DDX42: variants seen among roughly 807,000 people sequenced by gnomAD.
DDX42 encodes the protein DEAD-box helicase 42.
DDX42 carries 22 observed loss-of-function variants against 101.5 expected under a neutral mutation model. That is an observed-to-expected ratio of 0.22 (90% confidence interval 0.15 to 0.31). DDX42 has a LOEUF of 0.31. DDX42 is among the 10% of genes least tolerant of loss of function. DDX42 has a pLI of 1.00. For missense variants in DDX42, 849 were observed against 1,199.9 expected, an observed-to-expected ratio of 0.71 and a Z score of 4.32; for synonymous variants, 402 against 401.2, an observed-to-expected ratio of 1.00 and a Z score of -0.02.
intron 1 of DDX42, among the ~76,000 whole-genome samples, chr17:63,782,219 A>G (rs988993288): frequency 6.6e-6 from 1 of 152,186 alleles, no homozygotes; most frequent in Non-Finnish European, 1.5e-5. Context: ...CGGAGGTTGC[A>G]GTGAGCCAAG....
At chr17:63,803,171 C>T (rs567316337) in intron 6 of DDX42, among the ~76,000 whole-genome samples, 239 of 152,258 alleles carry the variant, frequency 1.6e-3, no homozygotes, top group African/African-American at 5.4e-3. Flanking sequence ...ACTCAAAATA[C>T]ATGATAAATA....
At chr17:63,794,096 T>C (rs996634976) in intron 3 of DDX42, among the ~76,000 whole-genome samples, 1 of 152,264 alleles carries the variant, frequency 6.6e-6, no homozygotes, top group Admixed American at 6.5e-5. Flanking sequence ...ATTTGTTCTT[T>C]CCTTTCTGTT....
At chr17:63,787,343 CA>C in intron 2 of DDX42, 73 bp downstream of exon 2, 1 of 1,455,356 alleles carries the variant, frequency 6.9e-7, no homozygotes, top group Non-Finnish European at 9.4e-7. Context: ...GAAATTGAGG[CA>C]AAGAAACTTT....
At chr17:63,800,930 TTTC>T (rs1206403744) in intron 6 of DDX42, among the ~76,000 whole-genome samples, 4 of 141,448 alleles carry the variant, frequency 2.8e-5, no homozygotes, top group Admixed American at 2.1e-4. Context: ...CCTTCCTTTC[TTTC>T]TTTTCTTTCC....
chr17:63,802,910 CA>C (rs60325980), intron 6 of DDX42, among the ~76,000 whole-genome samples: 51 of 142,542 alleles, frequency 3.6e-4, no homozygotes, highest in East Asian at 6.2e-4. Flanking sequence ...CACTCCATCT[CA>C]AAAAAAAAAA....
At chr17:63,799,855 T>C (rs1369215674) in intron 5 of DDX42, among the ~76,000 whole-genome samples, 5 of 152,312 alleles carry the variant, frequency 3.3e-5, no homozygotes, top group Admixed American at 6.5e-5. Flanking sequence ...CCAAAGCAAA[T>C]ACGAGCTTTA....
chr17:63,774,753 A>T (rs1288053737), intron 1 of DDX42: 1 of 152,236 alleles, frequency 6.6e-6, no homozygotes, highest in Non-Finnish European at 1.5e-5. Context: ...AGGCCTCCGA[A>T]TTTGGGGTCC....
chr17:63,813,360 C>T lies in DDX42; in HGVS notation c.1808C>T (p.Thr603Ile). ...GEKGVAYTLLTPKDSNFAGDL... is the reference protein window; with the variant it reads ...GEKGVAYTLLIPKDSNFAGDL... ...AAAGGTGTGGCCTATACCCTACTCACTCCCAAGGACAGCAATTTTGCTGGT... is the reference window on the plus strand; with the variant it reads ...AAAGGTGTGGCCTATACCCTACTCATTCCCAAGGACAGCAATTTTGCTGGT... The change falls in exon 15 of 18, where the codon ACT (threonine) becomes ATT (isoleucine). Residue 603 changes from threonine (T) to isoleucine (I), a missense_variant. Physicochemically the swap from Thr to Ile is moderately conservative, Grantham distance 89 (BLOSUM62 -1). This residue lies in a region of DDX42 where 86 missense variants were observed against 160.8 expected (regional missense o/e 0.53). Coordinates refer to ENST00000389924, the MANE Select transcript of DDX42 (RefSeq NM_203499.3). 6.2e-7 allele frequency: 1 copy of T among 1,614,170 alleles called. No homozygotes were observed. Among genetic ancestry groups the T allele is most frequent in the Non-Finnish European group, 8.5e-7 (1 of 1,180,032 alleles).
At chr17:63,778,414 A>G (rs1200300950) in intron 1 of DDX42, among the ~76,000 whole-genome samples, 2 of 152,182 alleles carry the variant, frequency 1.3e-5, no homozygotes, top group Admixed American at 6.5e-5. Flanking sequence ...TAAGTCTGCA[A>G]TAGCTTGCCT....
chr17:63,812,726 CA>C (rs1244303438), intron 14 of DDX42, among the ~76,000 whole-genome samples: 1 of 151,976 alleles, frequency 6.6e-6, no homozygotes, highest in Non-Finnish European at 1.5e-5. Context: ...ATTACTGATG[CA>C]AAAGATAAAA....
intron 1 of DDX42, among the ~76,000 whole-genome samples, chr17:63,779,755 T>C (rs1567727685): frequency 1.3e-5 from 2 of 152,106 alleles, no homozygotes; most frequent in Non-Finnish European, 2.9e-5. Flanking sequence ...TTTTTCTTTT[T>C]GTTTTCTTTG....
chr17:63,774,638 G>A (rs1016269661), intron 1 of DDX42: 2 of 153,452 alleles, frequency 1.3e-5, no homozygotes, highest in South Asian at 4.1e-4. Flanking sequence ...GCTTTCCGGA[G>A]GCGGCGCCCC....
rs2039915944 is a variant in DDX42 at position 63,811,978 on chromosome 17, C to G, written c.1445C>G (p.Pro482Arg). 6.2e-7 allele frequency: 1 copy of G among 1,614,070 alleles called. No individual in the cohort carries two copies. The highest frequency in any genetic ancestry group is 1.3e-5 in the African/African-American group (1 of 74,928). Residue 482 changes from proline to arginine, a missense_variant, in exon 14 of 18, where the codon CCT (proline) becomes CGT (arginine). Physicochemically the swap from Pro to Arg is moderately radical, Grantham distance 103. Transcript: ENST00000389924. ...TQIVEILHSG[P>R]SKWNWLTRRL... Reference sequence around the variant, plus strand: ...ATTGTGGAGATTCTCCATTCTGGACCTAGTAAATGGAACTGGCTTACCCGG... The same window carrying G: ...ATTGTGGAGATTCTCCATTCTGGACGTAGTAAATGGAACTGGCTTACCCGG...
At chr17:63,807,965 G>C in intron 9 of DDX42, 65 bp downstream of exon 9, 25 of 1,483,432 alleles carry the variant, frequency 1.7e-5, no homozygotes, top group Non-Finnish European at 2.3e-5. Flanking sequence ...CCAGTCAAGT[G>C]AGGTAGAATG....
chr17:63,816,389 CAG>C (rs2039977286), intron 16 of DDX42, among the ~76,000 whole-genome samples: 1 of 152,104 alleles, frequency 6.6e-6, no homozygotes, highest in Non-Finnish European at 1.5e-5. Context: ...TCCAAGCAAT[CAG>C]ATGTTTTGGC....
In DDX42 at chr17:63,801,612, C is replaced by T. The variant is rs937375076; in HGVS notation, c.621+995C>T. ...TGGCGCAATCTTGGCTTACTGCAGC[C>T]TCTGCTTCCCAGGTTCATTTTTAGT... On this transcript the variant is annotated intron_variant, in intron 6 of 17. Coordinates refer to ENST00000389924, the MANE Select transcript of DDX42 (RefSeq NM_203499.3). 2.6e-5 allele frequency among the ~76,000 whole-genome samples: 4 copies of T among 151,738 alleles called. No homozygotes were observed. In the South Asian group the frequency reaches 6.2e-4, roughly 24 times the overall value.
chr17:63,801,043 CTTTTA>C (rs1428923841), intron 6 of DDX42, among the ~76,000 whole-genome samples: 1 of 136,606 alleles, frequency 7.3e-6, no homozygotes, highest in African/African-American at 2.8e-5. Context: ...TCTTTCTTCT[CTTTTA>C]TTTTCTTTCT....
At chr17:63,774,911 A>C (rs1332631686) in intron 1 of DDX42, 1 of 152,438 alleles carries the variant, frequency 6.6e-6, no homozygotes, top group Non-Finnish European at 1.5e-5. Flanking sequence ...TGAATAAATA[A>C]TTTACATGGA....
At chr17:63,798,197 T>A in intron 4 of DDX42, 98 bp downstream of exon 4, 1 of 1,021,010 alleles carries the variant, frequency 9.8e-7, no homozygotes, top group Non-Finnish European at 1.5e-6. Flanking sequence ...AATATTGACG[T>A]ACACTTGTGT....
Sources: allele counts gnomAD v4.1 joint callset (sites outside exome capture counted in the v4.1 genomes callset), GRCh38; gene constraint gnomAD v4.1.1; regional missense constraint gnomAD v4.1.1; transcripts MANE v1.5; gene names NCBI Gene and HGNC (gene_info 2026-07-23, HGNC 2026-07-21).